Variants in SLC35F3 observed in about 807,000 individuals in gnomAD.
SLC35F3 encodes the protein putative thiamine transporter SLC35F3.
In SLC35F3, 25 loss-of-function variants were observed where a neutral mutation model predicts 49.9. That is an observed-to-expected ratio of 0.50 (90% CI 0.37 to 0.70). The LOEUF (loss-of-function observed/expected upper bound fraction) is 0.70. Among genes scored for constraint, SLC35F3 ranks in the 30% least tolerant of loss-of-function variants. The pLI, the probability that SLC35F3 is intolerant of heterozygous loss-of-function variation, is 0.00. For missense variants in SLC35F3, 525 were observed against 639.8 expected (o/e 0.82, Z 1.94); for synonymous variants, 275 against 265.4 (o/e 1.04, Z -0.35).
At chr1:234,307,253 A>G (rs1240520490) in intron 3 of SLC35F3, among the ~76,000 whole-genome samples, 1 of 152,226 alleles carries the variant, frequency 6.6e-6, no homozygotes, top group Non-Finnish European at 1.5e-5. Context: ...ATTCAGTTGA[A>G]TCGGTTTCAT....
intron 2 of SLC35F3, among the ~76,000 whole-genome samples, chr1:233,967,963 G>T (rs1169178038): frequency 6.6e-6 from 1 of 152,178 alleles, no homozygotes; most frequent in Non-Finnish European, 1.5e-5. Flanking sequence ...TGTTTCCCCA[G>T]GACTGCCATA....
chr1:234,257,303 C>G (rs559150509), intron 3 of SLC35F3, among the ~76,000 whole-genome samples: 4 of 152,284 alleles, frequency 2.6e-5, no homozygotes, highest in South Asian at 2.1e-4. Flanking sequence ...CTTTTAAACC[C>G]TCTTTGAAGT....
chr1:233,972,612 G>A (rs555633976), intron 2 of SLC35F3, among the ~76,000 whole-genome samples: 1 of 152,208 alleles, frequency 6.6e-6, no homozygotes, highest in African/African-American at 2.4e-5. Flanking sequence ...GATAGAGCCT[G>A]GCACATGGCG....
intron 2 of SLC35F3, among the ~76,000 whole-genome samples, chr1:234,007,311 G>A (rs1663644633): frequency 6.6e-6 from 1 of 152,184 alleles, no homozygotes; most frequent in African/African-American, 2.4e-5. Flanking sequence ...AGGGAAAGTG[G>A]TACTTGAGCA....
intron 2 of SLC35F3, among the ~76,000 whole-genome samples, chr1:234,082,288 G>T (rs917892598): frequency 2.6e-5 from 4 of 152,008 alleles, no homozygotes; most frequent in African/African-American, 9.7e-5. Flanking sequence ...ACATCAAATG[G>T]CTTTATGTAT....
chr1:234,231,538 CT>C lies in SLC35F3; in HGVS notation c.407del (p.Phe136SerfsTer23). Reference sequence around the variant, plus strand: ...GCTCCCGGGCGCAACTCAAGAAGATCTTCTGGGGCGTGGCGGTCGTGCTGTG... The same window carrying C: ...GCTCCCGGGCGCAACTCAAGAAGATCTCTGGGGCGTGGCGGTCGTGCTGTG... ...TCSRAQLKKI[F>X]WGVAVVLCVC... On this transcript the variant is annotated frameshift_variant, in exon 3 of 8. Coordinates refer to ENST00000366618, the MANE Select transcript of SLC35F3 (RefSeq NM_173508.4). LOFTEE classifies it high-confidence loss of function. The surrounding 1 kb of genome is among the most constrained non-coding windows in gnomAD (Gnocchi z 5.4). 1 of 1,614,082 alleles carries C rather than the reference CT, an allele frequency of 6.2e-7. No individual in the cohort carries two copies. The highest frequency in any genetic ancestry group is 8.5e-7 in the Non-Finnish European group (1 of 1,179,974).
intron 2 of SLC35F3, among the ~76,000 whole-genome samples, chr1:234,097,323 G>A (rs897260749): frequency 3.9e-5 from 6 of 152,054 alleles, no homozygotes; most frequent in African/African-American, 1.2e-4. Context: ...AAAATCACTT[G>A]TACCCCAAAG....
intron 3 of SLC35F3, among the ~76,000 whole-genome samples, chr1:234,303,959 T>G (rs932301781): frequency 6.6e-6 from 1 of 152,132 alleles, no homozygotes; most frequent in Non-Finnish European, 1.5e-5. Flanking sequence ...CTGGGGTTTT[T>G]AGTTTGATAT....
At chr1:233,940,143 T>C (rs1226242638) in intron 2 of SLC35F3, among the ~76,000 whole-genome samples, 1 of 152,184 alleles carries the variant, frequency 6.6e-6, no homozygotes, top group Non-Finnish European at 1.5e-5. Context: ...ATCTGCACTT[T>C]GTTCTGCGGT....
At chr1:234,049,916 C>T (rs1664349938) in intron 2 of SLC35F3, among the ~76,000 whole-genome samples, 1 of 152,124 alleles carries the variant, frequency 6.6e-6, no homozygotes, top group Non-Finnish European at 1.5e-5. Context: ...CGATAGGTTG[C>T]TGAGAATGAT....
chr1:234,239,404 T>C (rs1396398937), intron 3 of SLC35F3, among the ~76,000 whole-genome samples: 42 of 152,206 alleles, frequency 2.8e-4, no homozygotes, highest in Non-Finnish European at 2.1e-4. Flanking sequence ...TTACTTTCCA[T>C]GTGGTTTTTC....
intron 2 of SLC35F3, among the ~76,000 whole-genome samples, chr1:234,174,660 A>T (rs1364257752): frequency 6.6e-6 from 1 of 152,198 alleles, no homozygotes; most frequent in Non-Finnish European, 1.5e-5. Context: ...GTGTGCATAA[A>T]CACACTCTTC....
At chr1:234,166,614 A>G (rs1558247924) in intron 2 of SLC35F3, among the ~76,000 whole-genome samples, 1 of 152,168 alleles carries the variant, frequency 6.6e-6, no homozygotes, top group Non-Finnish European at 1.5e-5. Flanking sequence ...GATTCTGAAG[A>G]GAGGACCAGG....
chr1:233,941,976 T>C (rs918910825), intron 2 of SLC35F3, among the ~76,000 whole-genome samples: 5 of 150,590 alleles, frequency 3.3e-5, no homozygotes, highest in Non-Finnish European at 7.4e-5. Flanking sequence ...TTTTTTTTTT[T>C]TTTTAGATGG....
chr1:234,068,823 TTATATATA>T (rs10645395), intron 2 of SLC35F3, among the ~76,000 whole-genome samples: 6,903 of 71,140 alleles, frequency 0.097, 990 homozygotes, highest in Non-Finnish European at 0.12. Flanking sequence ...ATTTGAGACA[TTATATATA>T]TATATATATA....
At chr1:233,978,700 T>C (rs931256891) in intron 2 of SLC35F3, among the ~76,000 whole-genome samples, 1 of 152,194 alleles carries the variant, frequency 6.6e-6, no homozygotes, top group Non-Finnish European at 1.5e-5. Flanking sequence ...ATGTCACCTC[T>C]GATCTCATCC....
intron 2 of SLC35F3, among the ~76,000 whole-genome samples, chr1:234,140,002 A>AATAAAATAATAAAATAAAAAAAT: frequency 9.5e-6 from 1 of 105,368 alleles, no homozygotes; most frequent in Non-Finnish European, 2.4e-5. Context: ...AATAAAATAA[A>AATAAAATAATAAAATAAAAAAAT]GTAAGTGACT....
chr1:234,235,909 C>T (rs896270951), intron 3 of SLC35F3, among the ~76,000 whole-genome samples: 26 of 152,250 alleles, frequency 1.7e-4, no homozygotes, highest in African/African-American at 6.3e-4. Flanking sequence ...CATTTATCGG[C>T]CATTTAAAAT....
intron 2 of SLC35F3, among the ~76,000 whole-genome samples, chr1:234,132,901 A>T (rs1013611116): frequency 6.6e-5 from 10 of 152,224 alleles, no homozygotes; most frequent in South Asian, 4.1e-4. Flanking sequence ...AGCAGCTAAC[A>T]ACTATTGAGT....
Sources: allele counts gnomAD v4.1 joint callset (sites outside exome capture counted in the v4.1 genomes callset), GRCh38; gene constraint gnomAD v4.1.1; non-coding constraint Gnocchi (gnomAD v3.1); transcripts MANE v1.5; gene names NCBI Gene and HGNC (gene_info 2026-07-23, HGNC 2026-07-21).